SAMD12: variants seen among roughly 807,000 people sequenced by gnomAD.
SAMD12 encodes sterile alpha motif domain-containing protein 12.
In SAMD12, 9 loss-of-function variants were observed where a neutral mutation model predicts 15.0. That is an observed-to-expected ratio of 0.60 (90% CI 0.36 to 1.05). SAMD12 has a LOEUF of 1.05. Ranked by LOEUF, SAMD12 falls within the 50% of genes least tolerant of loss-of-function variation. The pLI is 0.01. For missense variants in SAMD12, 230 were observed against 234.2 expected, an observed-to-expected ratio of 0.98 and a Z score of 0.12; for synonymous variants, 86 against 90.1, an observed-to-expected ratio of 0.96 and a Z score of 0.25.
chr8:118,162,652 A>T, the SAMD12 span, among the ~76,000 whole-genome samples: 14 of 152,232 alleles, frequency 9.2e-5, no homozygotes, highest in Non-Finnish European at 1.5e-5. Flanking sequence ...TGGAGACCAC[A>T]TCACAAAAGT....
intron 2 of SAMD12, among the ~76,000 whole-genome samples, chr8:118,499,779 A>T (rs911913829): frequency 7.9e-5 from 12 of 152,200 alleles, no homozygotes; most frequent in Non-Finnish European, 2.9e-5. Context: ...AAGAGCTTCA[A>T]GGATCTCTTC....
Position 118,426,269 on chromosome 8 carries a change from G to A in SAMD12, c.322+13563C>T, listed in dbSNP as rs114885591. 2.1e-3 allele frequency among the ~76,000 whole-genome samples: 324 copies of A among 152,304 alleles called. 1 individual carries two copies. Among genetic ancestry groups the A allele is most frequent in the African/African-American group, 7.6e-3 (316 of 41,562 alleles). On this transcript the variant is annotated intron_variant, in intron 3 of 3. Transcript: ENST00000314727. The stretch of plus-strand genomic sequence containing the variant: ...ACTCCTTAATCCTCCCAACAAGCCT[G>A]TGTGGTGGGTCCTGTTGATGGTAAG...
intron 4 of SAMD12, among the ~76,000 whole-genome samples, chr8:118,318,565 G>C (rs1816066326): frequency 6.6e-6 from 1 of 151,750 alleles, no homozygotes; most frequent in Non-Finnish European, 1.5e-5. Context: ...TGGAGACTCA[G>C]GATAGTGGGA....
intron 3 of SAMD12, among the ~76,000 whole-genome samples, chr8:118,426,680 C>T (rs1337670941): frequency 2.6e-5 from 4 of 152,176 alleles, no homozygotes; most frequent in East Asian, 3.9e-4. Flanking sequence ...TTTAGAGTAT[C>T]GATGAATGTG....
intron 3 of SAMD12, among the ~76,000 whole-genome samples, chr8:118,431,741 A>T (rs959760219): frequency 6.6e-6 from 1 of 150,906 alleles, no homozygotes; most frequent in Non-Finnish European, 1.5e-5. Flanking sequence ...TGAGAAAAGT[A>T]GTTCAAATAT....
In SAMD12 at chr8:118,521,405, A is replaced by T. The variant is rs188548313; in HGVS notation, c.192+59310T>A. Reference sequence around the variant, plus strand: ...TTATATGTAGGATTTTGTATTAGAGACCTGTCAGAGCTGGCCTGAAGGAGG... The same window carrying T: ...TTATATGTAGGATTTTGTATTAGAGTCCTGTCAGAGCTGGCCTGAAGGAGG... On this transcript the variant is annotated intron_variant, in intron 2 of 3. Coordinates refer to ENST00000314727, the MANE Select transcript of SAMD12 (RefSeq NM_207506.3). Among the ~76,000 whole-genome samples the T allele has an allele frequency of 8.5e-5, 13 of 152,272 alleles. No individual in the cohort carries two copies. The East Asian group carries it at 2.5e-3, about 29-fold the overall frequency.
intron 2 of SAMD12, among the ~76,000 whole-genome samples, chr8:118,569,316 A>C (rs1280640089): frequency 6.6e-6 from 1 of 152,268 alleles, no homozygotes; most frequent in East Asian, 1.9e-4. Flanking sequence ...TATATATAGG[A>C]TGTATATGAA....
intron 2 of SAMD12, among the ~76,000 whole-genome samples, chr8:118,511,180 C>T (rs1698049637): frequency 6.6e-6 from 1 of 152,110 alleles, no homozygotes; most frequent in Non-Finnish European, 1.5e-5. Flanking sequence ...TAAATACAAC[C>T]TTAAAGCTGC....
intron 4 of SAMD12, among the ~76,000 whole-genome samples, chr8:118,320,702 G>T (rs1165486709): frequency 6.6e-6 from 1 of 150,862 alleles, no homozygotes; most frequent in Non-Finnish European, 1.5e-5. Context: ...AGCATTAGGA[G>T]ATATACCTAA....
chr8:118,446,795 T>C lies in SAMD12; in HGVS notation c.193-6834A>G, dbSNP rs368330421. On this transcript the variant is annotated intron_variant, in intron 2 of 3. Coordinates refer to ENST00000314727, the MANE Select transcript of SAMD12 (RefSeq NM_207506.3). ...TCCTTTTCACATGTCGTATCAGGGCTCTCCATTGAGTCTCATGGCTTGTTT... is the reference window on the plus strand; with the variant it reads ...TCCTTTTCACATGTCGTATCAGGGCCCTCCATTGAGTCTCATGGCTTGTTT... Among the ~76,000 whole-genome samples the C allele has an allele frequency of 5.9e-5, 9 of 152,290 alleles. No individual in the cohort carries two copies. In the East Asian group the frequency reaches 1.7e-3, roughly 29 times the overall value.
intron 3 of SAMD12, among the ~76,000 whole-genome samples, chr8:118,393,398 A>G (rs1820387911): frequency 6.6e-6 from 1 of 150,536 alleles, no homozygotes; most frequent in Non-Finnish European, 1.5e-5. Context: ...ACATATATAT[A>G]TATATTTTGA....
chr8:118,588,018 A>G (rs1234240914), intron 1 of SAMD12, among the ~76,000 whole-genome samples: 1 of 152,200 alleles, frequency 6.6e-6, no homozygotes, highest in Non-Finnish European at 1.5e-5. Context: ...TAACAGATAT[A>G]CCTTAGGAAT....
chr8:118,422,606 G>A (rs576344655), intron 3 of SAMD12, among the ~76,000 whole-genome samples: 1 of 152,304 alleles, frequency 6.6e-6, no homozygotes, highest in Admixed American at 6.5e-5. Context: ...CTTAGGAATT[G>A]TGACGTTATT....
intron 2 of SAMD12, among the ~76,000 whole-genome samples, chr8:118,510,200 G>A (rs914455581): frequency 4.0e-5 from 6 of 151,752 alleles, no homozygotes; most frequent in African/African-American, 1.2e-4. Context: ...GAAGCTTGGT[G>A]ATCAACCCCC....
At chr8:118,267,701 TTG>T (rs10671962) in intron 4 of SAMD12, among the ~76,000 whole-genome samples, 2,731 of 147,006 alleles carry the variant, frequency 0.019, 21 homozygotes, top group East Asian at 0.029. Context: ...TTCCCATCTG[TTG>T]TGTGTGTGTG....
At chr8:118,615,522 G>C (rs1425779305) in intron 1 of SAMD12, among the ~76,000 whole-genome samples, 1 of 152,098 alleles carries the variant, frequency 6.6e-6, no homozygotes, top group East Asian at 1.9e-4. Context: ...CAACAGAAAG[G>C]CACCATCTGC....
At chr8:118,337,702 A>G (rs1207886062) in intron 4 of SAMD12, among the ~76,000 whole-genome samples, 4 of 152,158 alleles carry the variant, frequency 2.6e-5, no homozygotes, top group African/African-American at 7.2e-5. Context: ...TCTCAGATGG[A>G]CTGTCCTGAT....
chr8:118,423,485 C>A (rs1236360442), intron 3 of SAMD12, among the ~76,000 whole-genome samples: 1 of 152,090 alleles, frequency 6.6e-6, no homozygotes, highest in Non-Finnish European at 1.5e-5. Flanking sequence ...GAGGCTTTAC[C>A]TTCTAAAATT....
chr8:118,609,575 G>A (rs1828059055), intron 1 of SAMD12, among the ~76,000 whole-genome samples: 1 of 152,234 alleles, frequency 6.6e-6, no homozygotes, highest in Middle Eastern at 3.4e-3. Flanking sequence ...AAGCGATTAT[G>A]TATCTACCAC....
Sources: gnomAD v4.1 joint callset for allele counts (sites outside exome capture counted in the v4.1 genomes callset) on GRCh38, gnomAD v4.1.1 for gene constraint, MANE v1.5 for transcripts, NCBI Gene and HGNC (gene_info 2026-07-23, HGNC 2026-07-21) for gene names.